Variants in CALN1 observed in about 807,000 individuals in gnomAD.
CALN1 encodes the protein calneuron 1, also known as calcium-binding protein 8.
A neutral mutation model predicts 30.6 loss-of-function variants in CALN1; 17 were observed. That is an observed-to-expected ratio of 0.56 (90% CI 0.38 to 0.83). CALN1 has a LOEUF of 0.83. CALN1 is among the 40% of genes least tolerant of loss of function. The probability of loss-of-function intolerance (pLI) is 0.00; values close to 1 mark genes in which losing one functional copy is unlikely to be tolerated. For missense variants in CALN1, 291 were observed against 354.9 expected (o/e 0.82, Z 1.45); for synonymous variants, 156 against 131.4 (o/e 1.19, Z -1.28).
intron 4 of CALN1, among the ~76,000 whole-genome samples, chr7:72,105,773 A>T (rs1332294561): frequency 9.1e-6 from 1 of 109,352 alleles, no homozygotes; most frequent in African/African-American, 3.8e-5. Flanking sequence ...AAGAAGAAGG[A>T]GGAGGAGGAG....
At chr7:72,483,200 G>A in the CALN1 span, among the ~76,000 whole-genome samples, 1 of 139,004 alleles carries the variant, frequency 7.2e-6, no homozygotes, top group Non-Finnish European at 1.6e-5. Context: ...CTTTGGTGTT[G>A]TTCTTATTTT....
chr7:72,403,640 G>A lies in CALN1; in HGVS notation c.-73-198C>T, dbSNP rs572474012. The stretch of plus-strand genomic sequence containing the variant: ...TAATAAGGCCTCAATGTCACCAGAG[G>A]GTATTGCACAACAAGCCAATAATGG... On this transcript the variant is annotated intron_variant, in intron 1 of 6. Coordinates refer to ENST00000395275, the MANE Select transcript of CALN1 (RefSeq NM_031468.4). 2.3e-4 allele frequency among the ~76,000 whole-genome samples: 35 copies of A among 152,256 alleles called. No individual in the cohort carries two copies. In the Middle Eastern group the frequency reaches 0.01, roughly 44 times the overall value.
chr7:72,063,504 G>C (rs2129537192), intron 4 of CALN1, among the ~76,000 whole-genome samples: 1 of 152,302 alleles, frequency 6.6e-6, no homozygotes, highest in Admixed American at 6.5e-5. Flanking sequence ...CAGAGTTGCT[G>C]AGCTAGATAG....
chr7:72,180,537 T>C (rs146975928), intron 3 of CALN1, among the ~76,000 whole-genome samples: 1 of 151,918 alleles, frequency 6.6e-6, no homozygotes, highest in South Asian at 2.1e-4. Flanking sequence ...TTTTTTTTTT[T>C]TTTTAATCAA....
At chr7:72,124,925 A>G (rs1808637797) in intron 3 of CALN1, among the ~76,000 whole-genome samples, 2 of 152,210 alleles carry the variant, frequency 1.3e-5, no homozygotes. Flanking sequence ...ATTACATAAA[A>G]AAAGAATTAC....
intron 3 of CALN1, among the ~76,000 whole-genome samples, chr7:72,216,536 C>A (rs1456519403): frequency 6.6e-6 from 1 of 152,054 alleles, no homozygotes; most frequent in Non-Finnish European, 1.5e-5. Context: ...GCGTAAGGTA[C>A]CCTGACCCTA....
chr7:71,841,194 T>C (rs1241615121), intron 5 of CALN1, among the ~76,000 whole-genome samples: 3 of 152,214 alleles, frequency 2.0e-5, no homozygotes, highest in East Asian at 1.9e-4. Flanking sequence ...AGGGTAGCTG[T>C]GTTCCACAGG....
chr7:72,181,103 C>T (rs377471917), intron 3 of CALN1, among the ~76,000 whole-genome samples: 21,654 of 87,494 alleles, frequency 0.25, 2,918 homozygotes, highest in East Asian at 0.65. Context: ...ATAACCCCCC[C>T]CCCCCCCAAA....
At chr7:72,170,291 CT>C (rs1189480290) in intron 3 of CALN1, among the ~76,000 whole-genome samples, 2 of 152,106 alleles carry the variant, frequency 1.3e-5, no homozygotes, top group Non-Finnish European at 2.9e-5. Context: ...CTCTCTAACT[CT>C]TTATTTTGCT....
intron 5 of CALN1, among the ~76,000 whole-genome samples, chr7:71,950,537 C>A (rs1226117952): frequency 6.6e-6 from 1 of 152,128 alleles, no homozygotes; most frequent in East Asian, 1.9e-4. Flanking sequence ...CCGAACTGAT[C>A]CTCTCCCCAC....
At chr7:72,211,258 G>A (rs4717633) in intron 3 of CALN1, among the ~76,000 whole-genome samples, 29,092 of 151,934 alleles carry the variant, frequency 0.19, 3,024 homozygotes, top group East Asian at 0.3. Context: ...CTCCAGAGAA[G>A]CTGGGCCAGG....
At chr7:71,959,622 CTTT>C (rs11289767) in intron 5 of CALN1, among the ~76,000 whole-genome samples, 5 of 144,352 alleles carry the variant, frequency 3.5e-5, no homozygotes, top group South Asian at 2.2e-4. Context: ...ACCTTTCCAG[CTTT>C]TTTTTTTTTT....
chr7:72,410,581 T>A (rs1290136377), intron 1 of CALN1, among the ~76,000 whole-genome samples: 1 of 152,216 alleles, frequency 6.6e-6, no homozygotes, highest in African/African-American at 2.4e-5. Flanking sequence ...GCTCAATTCT[T>A]CTGCAAGTGA....
At chr7:71,798,155 GAGAGAGAGAGAGAGAGA>G (rs1787070437) in intron 6 of CALN1, among the ~76,000 whole-genome samples, 1 of 143,434 alleles carries the variant, frequency 7.0e-6, no homozygotes, top group African/African-American at 2.7e-5. Context: ...GAGAGAGAGA[GAGAGAGAGAGAGAGAGA>G]GAGATGTTGC....
At chr7:72,075,048 G>C (rs1165559963) in intron 4 of CALN1, among the ~76,000 whole-genome samples, 1 of 152,218 alleles carries the variant, frequency 6.6e-6, no homozygotes. Context: ...AAAAGTCTCA[G>C]GAGGGCTGAG....
chr7:71,889,955 ACT>A (rs1167816448), intron 5 of CALN1, among the ~76,000 whole-genome samples: 1 of 146,154 alleles, frequency 6.8e-6, no homozygotes, highest in Admixed American at 7.0e-5. Context: ...ACAGATCTAG[ACT>A]CTGTCTCGGA....
intron 1 of CALN1, among the ~76,000 whole-genome samples, chr7:72,411,024 A>T (rs1562957757): frequency 1.3e-5 from 2 of 152,182 alleles, no homozygotes; most frequent in Non-Finnish European, 2.9e-5. Flanking sequence ...AACGATTACA[A>T]ATAATAGGTG....
intron 6 of CALN1, among the ~76,000 whole-genome samples, chr7:71,797,114 G>T (rs992009597): frequency 1.3e-5 from 2 of 152,166 alleles, no homozygotes; most frequent in Non-Finnish European, 2.9e-5. Flanking sequence ...TAATCCCTCT[G>T]CCTTCAATCT....
chr7:71,915,063 A>C (rs1211617739), intron 5 of CALN1, among the ~76,000 whole-genome samples: 2 of 152,218 alleles, frequency 1.3e-5, no homozygotes, highest in East Asian at 3.9e-4. Context: ...TGTTTTGTTT[A>C]AGGCAACATC....
Sources: allele counts gnomAD v4.1 joint callset (sites outside exome capture counted in the v4.1 genomes callset), GRCh38; gene constraint gnomAD v4.1.1; transcripts MANE v1.5; gene names NCBI Gene and HGNC (gene_info 2026-07-23, HGNC 2026-07-21).